The following UPK2 variants were observed in gnomAD, a reference collection of about 807,000 sequenced individuals.
UPK2 encodes the protein uroplakin 2.
In UPK2, 19 loss-of-function variants were observed where a neutral mutation model predicts 14.8. The observed-to-expected ratio is 1.29, with a 90% CI of 0.90 to 1.89. UPK2 has a LOEUF of 1.89. Among genes scored for constraint, UPK2 ranks in the 40% most tolerant of loss-of-function variants. The probability of loss-of-function intolerance (pLI) is 0.00; values close to 1 mark genes in which losing one functional copy is unlikely to be tolerated. For synonymous variants in UPK2, 102 were observed against 101.6 expected (o/e 1.00, Z -0.02); for missense variants, 232 against 236.0 (o/e 0.98, Z 0.11).
Position 118,956,816 on chromosome 11 carries a change from G to T in UPK2, c.77-67G>T. 6.3e-7 allele frequency: 1 copy of T among 1,598,382 alleles called. No individual in the cohort carries two copies. The highest frequency in any genetic ancestry group is 1.1e-5 in the South Asian group (1 of 89,570). ...GTGGAAAGGGAGATGGCTCCAATGG[G>T]ACCGGGCCAGATCTGTTGGCCAGGA... is the stretch of plus-strand genomic sequence containing the variant. On this transcript the variant is annotated intron_variant, in intron 1 of 4. Coordinates refer to ENST00000264031, the MANE Select transcript of UPK2 (RefSeq NM_006760.4). The surrounding 1 kb of genome is among the most constrained non-coding windows in gnomAD (Gnocchi z 4.1).
chr11:118,957,076 C>G lies in UPK2; in HGVS notation c.208+62C>G. 3 of 1,609,174 alleles carry G rather than the reference C, an allele frequency of 1.9e-6. No homozygotes were observed. In the South Asian group the frequency reaches 3.3e-5, roughly 18 times the overall value. On this transcript the variant is annotated intron_variant, in intron 2 of 4. Coordinates refer to ENST00000264031, the MANE Select transcript of UPK2 (RefSeq NM_006760.4). Reference sequence around the variant, plus strand: ...CAAAGACCCCTTCCTGCGACACCCTCTGCACCCTTTTCCCCATTCATGCCT... The same window carrying G: ...CAAAGACCCCTTCCTGCGACACCCTGTGCACCCTTTTCCCCATTCATGCCT...
chr11:118,958,001 T>C lies in UPK2; in HGVS notation c.419-96T>C, dbSNP rs1345064452. On this transcript the variant is annotated intron_variant, in intron 4 of 4. Coordinates refer to ENST00000264031, the MANE Select transcript of UPK2 (RefSeq NM_006760.4). This position sits in a 1 kb window ranked among gnomAD's most constrained non-coding sequence, Gnocchi z 4.6. ...GCTGGCTGGCTGGCTGGCTGGTTGG[T>C]TGGGCAGTCTGTTGGCTGGATGAGT... 5 of 1,509,264 alleles carry C rather than the reference T, an allele frequency of 3.3e-6. No homozygotes were observed. The highest frequency in any genetic ancestry group is 2.2e-5 in the Admixed American group (1 of 46,142). The allele number at this position is 1,509,264 out of a possible 1,614,324, so 93.5% of individuals were successfully genotyped here.
In UPK2 at chr11:118,957,215, G is replaced by A. The variant is rs113048801; in HGVS notation, c.216G>A (p.Thr72=). The part of the protein sequence containing the change: ...VRRANDSKVV[T]SSFVVPPCRG... ...CCCGCCACTTCTGCCCAGTGGTGAC[G>A]TCCAGCTTTGTGGTGCCTCCGTGCC... Residue 72 remains threonine (T), a synonymous_variant, in exon 3 of 5, where the codon ACG becomes ACA. Coordinates refer to ENST00000264031, the MANE Select transcript of UPK2 (RefSeq NM_006760.4). 0.033 allele frequency: 53,144 copies of A among 1,614,022 alleles called. 1,128 individuals carry two copies. The highest frequency in any genetic ancestry group is 0.036 in the Non-Finnish European group (42,581 of 1,179,948).
Position 118,958,401 on chromosome 11 carries a change from C to A in UPK2, c.*168C>A. 3 of 712,014 alleles carry A rather than the reference C, an allele frequency of 4.2e-6. No individual in the cohort carries two copies. The highest frequency in any genetic ancestry group is 1.8e-5 in the African/African-American group (1 of 56,084). The allele number at this position is 712,014 out of a possible 1,614,324, so 44.1% of individuals were successfully genotyped here. On this transcript the variant is annotated 3_prime_UTR_variant, in exon 5 of 5. Transcript: ENST00000264031. The surrounding 1 kb of genome is among the most constrained non-coding windows in gnomAD (Gnocchi z 4.6). ...CTCCTCCCTCTGTCCCTCTCCTTGC[C>A]CCCAGTGCCTCACCTTCCAACACTC...
At position 118,958,097 on chromosome 11, in the gene UPK2, G is replaced by GAAGGA; in HGVS notation, c.421_425dup (p.Asn142LysfsTer91). The GAAGGA allele has an allele frequency of 6.2e-7, 1 of 1,611,622 alleles. No homozygotes were observed. Among genetic ancestry groups the GAAGGA allele is most frequent in the Non-Finnish European group, 8.5e-7 (1 of 1,178,240 alleles). On this transcript the variant is annotated frameshift_variant and splice_region_variant, in exon 5 of 5. Coordinates refer to ENST00000264031, the MANE Select transcript of UPK2 (RefSeq NM_006760.4). LOFTEE classifies it high-confidence loss of function. The surrounding 1 kb of genome is among the most constrained non-coding windows in gnomAD (Gnocchi z 4.6). ...AGTGGTCTCCCCTCTCTTTTGACAG[G>GAAGGA]AAGGAACATGGAATCCATTGGGCTG...
Position 118,956,890 on chromosome 11 carries a change from C to T in UPK2, c.84C>T (p.Asn28=). ...CCTCCTGCCTCCCATCAGACTTCAA[C>T]ATCTCAAGCCTCTCTGGTCTGCTGT... is the stretch of plus-strand genomic sequence containing the variant. ...ALLSPGAADF[N]ISSLSGLLSP... is the part of the protein sequence containing the mutation. The change falls in exon 2 of 5, where the codon AAC becomes AAT. Residue 28 remains asparagine (N), a synonymous_variant. Transcript: ENST00000264031. The surrounding 1 kb of genome is among the most constrained non-coding windows in gnomAD (Gnocchi z 4.1). 4.3e-6 allele frequency: 7 copies of T among 1,613,988 alleles called. No homozygotes were observed. Among genetic ancestry groups the T allele is most frequent in the Non-Finnish European group, 5.9e-6 (7 of 1,179,980 alleles).
At position 118,956,952 on chromosome 11, in the gene UPK2, C is replaced by A. The variant is rs1157995391; in HGVS notation, c.146C>A (p.Pro49His). 1.9e-6 allele frequency: 3 copies of A among 1,614,036 alleles called. No homozygotes were observed. Among genetic ancestry groups the A allele is most frequent in the African/African-American group, 2.7e-5 (2 of 75,016 alleles). The change falls in exon 2 of 5, where the codon CCC becomes CAC. Residue 49 changes from proline (P) to histidine (H), a missense_variant. Physicochemically the swap from Pro to His is moderately conservative, Grantham distance 77. Coordinates refer to ENST00000264031, the MANE Select transcript of UPK2 (RefSeq NM_006760.4). This position sits in a 1 kb window ranked among gnomAD's most constrained non-coding sequence, Gnocchi z 4.1. ...ACGGAGAGCCTGCTGGTTGCCTTGC[C>A]CCCCTGTCACCTCACAGGAGGCAAT... Reference protein sequence around the residue: ...ALTESLLVALPPCHLTGGNAT... With the variant: ...ALTESLLVALHPCHLTGGNAT...
Position 118,958,492 on chromosome 11 carries a change from C to G in UPK2, c.*259C>G. ...CTCCCATTTTACCACTTTAAACACC[C>G]CCATAACAATTCCCCCATCCTTCAG... On this transcript the variant is annotated 3_prime_UTR_variant, in exon 5 of 5. Transcript: ENST00000264031. This position sits in a 1 kb window ranked among gnomAD's most constrained non-coding sequence, Gnocchi z 4.6. 2.2e-6 allele frequency: 1 copy of G among 454,034 alleles called. No homozygotes were observed. Among genetic ancestry groups the G allele is most frequent in the Non-Finnish European group, 4.0e-6 (1 of 251,248 alleles). The allele number at this position is 454,034 out of a possible 1,614,324, so 28.1% of individuals were successfully genotyped here. A position where few individuals can be genotyped will look rare whatever the true frequency, so the allele number is the denominator to read the frequency against.
Position 118,956,951 on chromosome 11 carries a change from C to G in UPK2, c.145C>G (p.Pro49Ala), listed in dbSNP as rs200392795. Residue 49 changes from proline (P) to alanine (A), a missense_variant, in exon 2 of 5, where the codon CCC (proline) becomes GCC (alanine). Transcript: ENST00000264031. This position sits in a 1 kb window ranked among gnomAD's most constrained non-coding sequence, Gnocchi z 4.1. ...ALTESLLVAL[P>A]PCHLTGGNAT... is the part of the protein sequence containing the mutation. ...AACGGAGAGCCTGCTGGTTGCCTTG[C>G]CCCCCTGTCACCTCACAGGAGGCAA... 1 of 1,613,960 alleles carries G rather than the reference C, an allele frequency of 6.2e-7. No homozygotes were observed. Among genetic ancestry groups the G allele is most frequent in the Admixed American group, 1.7e-5 (1 of 60,004 alleles).
In UPK2 at chr11:118,958,141, G is replaced by A. The variant is rs781404737; in HGVS notation, c.463G>A (p.Gly155Ser). ...SIGLGMARTG[G>S]MVVITVLLSV... Reference sequence around the variant, plus strand: ...TGGGCTGGGTATGGCCCGCACAGGGGGCATGGTGGTCATCACGGTGCTGCT... The same window carrying A: ...TGGGCTGGGTATGGCCCGCACAGGGAGCATGGTGGTCATCACGGTGCTGCT... Residue 155 changes from glycine to serine, a missense_variant, in exon 5 of 5, where the codon GGC becomes AGC. Transcript: ENST00000264031. The surrounding 1 kb of genome is among the most constrained non-coding windows in gnomAD (Gnocchi z 4.6). 1.2e-6 allele frequency: 2 copies of A among 1,614,058 alleles called. No individual in the cohort carries two copies. Among genetic ancestry groups the A allele is most frequent in the Non-Finnish European group, 8.5e-7 (1 of 1,179,960 alleles).
intron 4 of UPK2, 64 bp downstream of exon 4, chr11:118,957,732 T>C (rs1477350202): frequency 6.3e-7 from 1 of 1,591,590 alleles, no homozygotes; most frequent in African/African-American, 1.3e-5. Flanking sequence ...TGACCATTCC[T>C]GCCTCATCCC....
At position 118,957,670 on chromosome 11, in the gene UPK2, T is replaced by A. The variant is rs1470830145; in HGVS notation, c.418+2T>A. 9.9e-6 allele frequency: 16 copies of A among 1,614,032 alleles called. No individual in the cohort carries two copies. Among genetic ancestry groups the A allele is most frequent in the Non-Finnish European group, 1.4e-5 (16 of 1,179,924 alleles). On this transcript the variant is annotated splice_donor_variant, in intron 4 of 4. Coordinates refer to ENST00000264031, the MANE Select transcript of UPK2 (RefSeq NM_006760.4). LOFTEE classifies it high-confidence loss of function. Reference sequence around the variant, plus strand: ...AGATCCCAATGTCCACACTCCCTCGTAAGTAACACTCCCGCCTCCCTTTCC... The same window carrying A: ...AGATCCCAATGTCCACACTCCCTCGAAAGTAACACTCCCGCCTCCCTTTCC...
At chr11:118,957,500 G>C in intron 3 of UPK2, 98 bp from the exon 4 acceptor site, 1 of 1,553,280 alleles carries the variant, frequency 6.4e-7, no homozygotes, top group Non-Finnish European at 8.9e-7. Context: ...ACATAGGGGA[G>C]ACACAGCTGT....
Position 118,957,685 on chromosome 11 carries a change from C to T in UPK2, c.418+17C>T, listed in dbSNP as rs1364611469. 22 of 1,613,722 alleles carry T rather than the reference C, an allele frequency of 1.4e-5. No individual in the cohort carries two copies. The highest frequency in any genetic ancestry group is 1.8e-5 in the Non-Finnish European group (21 of 1,179,716). Reference sequence around the variant, plus strand: ...CACTCCCTCGTAAGTAACACTCCCGCCTCCCTTTCCCATCTCAGCGGCCAC... The same window carrying T: ...CACTCCCTCGTAAGTAACACTCCCGTCTCCCTTTCCCATCTCAGCGGCCAC... On this transcript the variant is annotated intron_variant, in intron 4 of 4. Coordinates refer to ENST00000264031, the MANE Select transcript of UPK2 (RefSeq NM_006760.4).
In UPK2 at chr11:118,958,429, T is replaced by C; in HGVS notation, c.*196T>C. The stretch of plus-strand genomic sequence containing the variant: ...CAGTGCCTCACCTTCCAACACTCCA[T>C]TATTCCTCTCACCCCACTCCTGTCA... On this transcript the variant is annotated 3_prime_UTR_variant, in exon 5 of 5. Transcript: ENST00000264031. This position sits in a 1 kb window ranked among gnomAD's most constrained non-coding sequence, Gnocchi z 4.6. The C allele has an allele frequency of 1.7e-6, 1 of 585,112 alleles. No homozygotes were observed. The allele number at this position is 585,112 out of a possible 1,614,324, so 36.2% of individuals were successfully genotyped here. A position where few individuals can be genotyped will look rare whatever the true frequency, so the allele number is the denominator to read the frequency against.
rs1941583167 is a variant in UPK2, at chr11:118,958,490, C to T, written c.*257C>T. 2.2e-6 allele frequency: 1 copy of T among 456,280 alleles called. No homozygotes were observed. Among genetic ancestry groups the T allele is most frequent in the Non-Finnish European group, 4.0e-6 (1 of 252,688 alleles). 28.3% of individuals were successfully genotyped at this position (456,280 alleles called of 1,614,324 possible). A position where few individuals can be genotyped will look rare whatever the true frequency, so the allele number is the denominator to read the frequency against. On this transcript the variant is annotated 3_prime_UTR_variant, in exon 5 of 5. Coordinates refer to ENST00000264031, the MANE Select transcript of UPK2 (RefSeq NM_006760.4). This position sits in a 1 kb window ranked among gnomAD's most constrained non-coding sequence, Gnocchi z 4.6. ...TCCTCCCATTTTACCACTTTAAACACCCCCATAACAATTCCCCCATCCTTC... is the reference window on the plus strand; with the variant it reads ...TCCTCCCATTTTACCACTTTAAACATCCCCATAACAATTCCCCCATCCTTC...
intron 2 of UPK2, 84 bp from the exon 3 acceptor site, chr11:118,957,124 G>A: frequency 1.2e-6 from 2 of 1,608,532 alleles, no homozygotes; most frequent in Non-Finnish European, 8.5e-7. Context: ...GTCTCCTGGG[G>A]TACCCACACT....
rs1565640608 is a variant in UPK2, at chr11:118,956,592, C to T, written c.76+166C>T. On this transcript the variant is annotated intron_variant, in intron 1 of 4. Transcript: ENST00000264031. This position sits in a 1 kb window ranked among gnomAD's most constrained non-coding sequence, Gnocchi z 4.1. Reference sequence around the variant, plus strand: ...GGCTCAGGGTACACTCCTGATCCTCCTCCAGACCTAGGAGGCAGAGAGGTG... The same window carrying T: ...GGCTCAGGGTACACTCCTGATCCTCTTCCAGACCTAGGAGGCAGAGAGGTG... Among the ~76,000 whole-genome samples the T allele has an allele frequency of 6.6e-6, 1 of 152,078 alleles. No homozygotes were observed. Among genetic ancestry groups the T allele is most frequent in the Non-Finnish European group, 1.5e-5 (1 of 68,000 alleles).
In UPK2 at chr11:118,958,344, C is replaced by T; in HGVS notation, c.*111C>T. 1 of 1,266,032 alleles carries T rather than the reference C, an allele frequency of 7.9e-7. No individual in the cohort carries two copies. 78.4% of individuals were successfully genotyped at this position (1,266,032 alleles called of 1,614,324 possible). A position where few individuals can be genotyped will look rare whatever the true frequency, so the allele number is the denominator to read the frequency against. On this transcript the variant is annotated 3_prime_UTR_variant, in exon 5 of 5. Transcript: ENST00000264031. This position sits in a 1 kb window ranked among gnomAD's most constrained non-coding sequence, Gnocchi z 4.6. ...TGTGGCTCCCTTGGTGCCCTCGCCT[C>T]CTCCTCCTGCCCTCCTCTCCCCTAG...
Sources: allele counts gnomAD v4.1 joint callset (sites outside exome capture counted in the v4.1 genomes callset), GRCh38; gene constraint gnomAD v4.1.1; non-coding constraint Gnocchi (gnomAD v3.1); transcripts MANE v1.5; gene names NCBI Gene and HGNC (gene_info 2026-07-23, HGNC 2026-07-21).